HCFC2: variants seen among roughly 807,000 people sequenced by gnomAD.
HCFC2 encodes host cell factor C2, also known as host cell factor 2.
Under a neutral mutation model 89.2 loss-of-function variants are expected in HCFC2, and 18 were observed. That is an observed-to-expected ratio of 0.20 (90% confidence interval 0.14 to 0.30). The LOEUF is 0.30. HCFC2 is among the 10% of genes least tolerant of loss of function. The probability of loss-of-function intolerance (pLI) is 1.00; values close to 1 mark genes in which losing one functional copy is unlikely to be tolerated. For synonymous variants in HCFC2, 308 were observed against 335.7 expected, an observed-to-expected ratio of 0.92 and a Z score of 0.90; for missense variants, 578 against 956.1, an observed-to-expected ratio of 0.60 and a Z score of 5.21.
chr12:104,102,889 A>G, intron 14 of HCFC2, 70 bp from the exon 15 acceptor site: 1 of 1,222,440 alleles, frequency 8.2e-7, no homozygotes, highest in Non-Finnish European at 1.1e-6. Flanking sequence ...CTAAAGATAG[A>G]CTCAACATAA....
Position 104,080,636 on chromosome 12 carries a change from A to C in HCFC2, c.683-110A>C, listed in dbSNP as rs1883656807. The C allele has an allele frequency of 9.9e-6, 6 of 607,802 alleles. No homozygotes were observed. In the East Asian group the frequency reaches 1.9e-4, roughly 19 times the overall value. 37.7% of individuals were successfully genotyped at this position (607,802 alleles called of 1,614,324 possible). On this transcript the variant is annotated intron_variant, in intron 4 of 14. Transcript: ENST00000229330. Reference sequence around the variant, plus strand: ...ATAATGTTCAAATAACTGTTCTAAAATACTTTGTTTCATTTTGGTAAGTCC... The same window carrying C: ...ATAATGTTCAAATAACTGTTCTAAACTACTTTGTTTCATTTTGGTAAGTCC...
At chr12:104,080,953 T>C in intron 5 of HCFC2, 123 bp downstream of exon 5, 1 of 594,626 alleles carries the variant, frequency 1.7e-6, no homozygotes, top group Non-Finnish European at 2.9e-6. Context: ...AGTTTGATTG[T>C]GCTGACTGAA....
intron 1 of HCFC2, among the ~76,000 whole-genome samples, chr12:104,065,760 A>T (rs1566222073): frequency 6.6e-6 from 1 of 152,184 alleles, no homozygotes; most frequent in Non-Finnish European, 1.5e-5. Context: ...CGCTAAAGTT[A>T]CCAAACCTTT....
intron 3 of HCFC2, among the ~76,000 whole-genome samples, chr12:104,070,260 CCT>C (rs141554880): frequency 0.047 from 7,129 of 152,242 alleles, 187 homozygotes; most frequent in South Asian, 0.11. Flanking sequence ...GATCTCCTGA[CCT>C]CGTGATCTGC....
In HCFC2 at chr12:104,064,618, C is replaced by T; in HGVS notation, c.58C>T (p.Pro20Ser). The change falls in exon 1 of 15, where the codon CCC (proline) becomes TCC (serine). Residue 20 changes from proline to serine, a missense_variant. By Grantham distance (74) the Pro-to-Ser change is moderately conservative. Around this residue, in one of 4 missense-constraint regions of HCFC2, gnomAD observed 206 missense variants for 419.2 expected, o/e 0.49. Transcript: ENST00000229330. The surrounding 1 kb of genome is among the most constrained non-coding windows in gnomAD (Gnocchi z 7.3). ...RRVSSFTGPV[P>S]RARHGHRAVA... ...AGTTTCTTCCTTCACGGGGCCGGTC[C>T]CCCGCGCCCGGCACGGACACCGAGC... is the stretch of plus-strand genomic sequence containing the variant. The T allele has an allele frequency of 6.3e-7, 1 of 1,577,974 alleles. No homozygotes were observed. Among genetic ancestry groups the T allele is most frequent in the Non-Finnish European group, 8.6e-7 (1 of 1,164,398 alleles).
chr12:104,090,985 C>T (rs1422425598), intron 9 of HCFC2: 1 of 152,110 alleles, frequency 6.6e-6, no homozygotes, highest in Non-Finnish European at 1.5e-5. Context: ...TTAGTTTCCC[C>T]TAAGAATTCT....
chr12:104,093,856 T>C (rs1884101217), intron 10 of HCFC2, among the ~76,000 whole-genome samples: 1 of 152,052 alleles, frequency 6.6e-6, no homozygotes, highest in Admixed American at 6.6e-5. Context: ...TTAGGGATTC[T>C]TTTAGGACTC....
rs756916843 is a variant in HCFC2 at position 104,096,385 on chromosome 12, A to G, written c.1692A>G (p.Ala564=). The G allele has an allele frequency of 6.2e-7, 1 of 1,606,884 alleles. No individual in the cohort carries two copies. Among genetic ancestry groups the G allele is most frequent in the Non-Finnish European group, 8.5e-7 (1 of 1,175,140 alleles). Residue 564 remains alanine (A), a synonymous_variant, in exon 12 of 15, where the codon GCA becomes GCG. Transcript: ENST00000229330. ...TTGATGAAACATATGCACTGCCTGC[A>G]ACGAAGATCAGCCGTGTAGAGACAC... ...SEVDETYALP[A]TKISRVETHA...
Position 104,093,972 on chromosome 12 carries a change from T to C in HCFC2, c.1462+409T>C, listed in dbSNP as rs187011418. On this transcript the variant is annotated intron_variant, in intron 10 of 14. Transcript: ENST00000229330. ...GAGAATTCATCATTTAAGAGACGTT[T>C]AGAAGGTTTCATCTATTAGACTTGA... Among the ~76,000 whole-genome samples the C allele has an allele frequency of 6.6e-4, 100 of 152,284 alleles. 1 individual carries two copies. Among genetic ancestry groups the C allele is most frequent in the Non-Finnish European group, 1.2e-3 (82 of 68,002 alleles).
intron 13 of HCFC2, among the ~76,000 whole-genome samples, chr12:104,101,249 C>T (rs1355673058): frequency 6.6e-5 from 10 of 152,110 alleles, no homozygotes; most frequent in Admixed American, 4.6e-4. Flanking sequence ...TTTGGGAGGC[C>T]GACGCAGGTG....
chr12:104,067,621 A>G (rs2136591162), intron 2 of HCFC2, among the ~76,000 whole-genome samples: 1 of 152,386 alleles, frequency 6.6e-6, no homozygotes, highest in South Asian at 2.1e-4. Flanking sequence ...GAAAGTAAGA[A>G]TATATAAATT....
At chr12:104,072,892 C>A (rs1328491795) in intron 3 of HCFC2, among the ~76,000 whole-genome samples, 2 of 152,008 alleles carry the variant, frequency 1.3e-5, no homozygotes, top group Non-Finnish European at 2.9e-5. Context: ...GATCCGCCCA[C>A]CTCAGCCTCC....
At position 104,064,602 on chromosome 12, in the gene HCFC2, C is replaced by T. The variant is rs548899947; in HGVS notation, c.42C>T (p.Ser14=). 9.6e-4 allele frequency: 1,509 copies of T among 1,574,610 alleles called. No homozygotes were observed. The highest frequency in any genetic ancestry group is 2.9e-3 in the Admixed American group (160 of 54,548). The stretch of plus-strand genomic sequence containing the variant: ...TCCTCAACTGGAGGCGAGTTTCTTC[C>T]TTCACGGGGCCGGTCCCCCGCGCCC... ...PSLLNWRRVS[S]FTGPVPRARH... is the part of the protein sequence containing the mutation. The change falls in exon 1 of 15, where the codon TCC becomes TCT. Residue 14 remains serine (S), a synonymous_variant. Coordinates refer to ENST00000229330, the MANE Select transcript of HCFC2 (RefSeq NM_013320.3). The surrounding 1 kb of genome is among the most constrained non-coding windows in gnomAD (Gnocchi z 7.3).
chr12:104,088,124 A>G, intron 9 of HCFC2, 86 bp downstream of exon 9: 2 of 824,804 alleles, frequency 2.4e-6, no homozygotes, highest in Admixed American at 2.5e-5. Context: ...CTACTACTCT[A>G]GAAGAGGGGT....
chr12:104,106,183 T>C lies in HCFC2; in HGVS notation c.*2910T>C, dbSNP rs2030080916. 2 of 152,098 alleles carry C rather than the reference T, an allele frequency of 1.3e-5. No individual in the cohort carries two copies. The highest frequency in any genetic ancestry group is 1.3e-4 in the Admixed American group (2 of 15,270). The allele number at this position is 152,098 out of a possible 1,614,324, so 9.4% of individuals were successfully genotyped here. A position where few individuals can be genotyped will look rare whatever the true frequency, so the allele number is the denominator to read the frequency against. ...CCAATTACATAAATACAATTATCTA[T>C]AGGAAGGTGAAATTGTTGATCTATT... is the stretch of plus-strand genomic sequence containing the variant. On this transcript the variant is annotated 3_prime_UTR_variant, in exon 15 of 15. Transcript: ENST00000229330.
intron 3 of HCFC2, among the ~76,000 whole-genome samples, chr12:104,072,674 G>A (rs1236523114): frequency 2.0e-5 from 3 of 150,232 alleles, no homozygotes; most frequent in Non-Finnish European, 4.4e-5. Flanking sequence ...ATGGAGTCTC[G>A]CTCTGTCGCC....
At position 104,106,175 on chromosome 12, in the gene HCFC2, A is replaced by G. The variant is rs1421610150; in HGVS notation, c.*2902A>G. On this transcript the variant is annotated 3_prime_UTR_variant, in exon 15 of 15. Coordinates refer to ENST00000229330, the MANE Select transcript of HCFC2 (RefSeq NM_013320.3). ...CTCATTACCCAATTACATAAATACA[A>G]TTATCTATAGGAAGGTGAAATTGTT... The G allele has an allele frequency of 3.9e-5, 6 of 152,120 alleles. No homozygotes were observed. Among genetic ancestry groups the G allele is most frequent in the South Asian group, 2.1e-4 (1 of 4,834 alleles). 9.4% of individuals were successfully genotyped at this position (152,120 alleles called of 1,614,324 possible).
Position 104,064,611 on chromosome 12 carries a change from G to A in HCFC2, c.51G>A (p.Gly17=). The A allele has an allele frequency of 5.1e-6, 8 of 1,577,124 alleles. No homozygotes were observed. Among genetic ancestry groups the A allele is most frequent in the Non-Finnish European group, 6.9e-6 (8 of 1,164,018 alleles). The change falls in exon 1 of 15, where the codon GGG becomes GGA. Residue 17 remains glycine, a synonymous_variant. Coordinates refer to ENST00000229330, the MANE Select transcript of HCFC2 (RefSeq NM_013320.3). The surrounding 1 kb of genome is among the most constrained non-coding windows in gnomAD (Gnocchi z 7.3). ...LNWRRVSSFT[G]PVPRARHGHR... Reference sequence around the variant, plus strand: ...GGAGGCGAGTTTCTTCCTTCACGGGGCCGGTCCCCCGCGCCCGGCACGGAC... The same window carrying A: ...GGAGGCGAGTTTCTTCCTTCACGGGACCGGTCCCCCGCGCCCGGCACGGAC...
chr12:104,083,103 C>A (rs1883734089), intron 7 of HCFC2, among the ~76,000 whole-genome samples: 2 of 152,014 alleles, frequency 1.3e-5, no homozygotes, highest in Non-Finnish European at 2.9e-5. Flanking sequence ...TTTAAAGACT[C>A]CTTTGCAAAG....
Sources: gnomAD v4.1 joint callset for allele counts (sites outside exome capture counted in the v4.1 genomes callset) on GRCh38, gnomAD v4.1.1 for gene constraint, gnomAD v4.1.1 regional missense constraint, Gnocchi (gnomAD v3.1) non-coding constraint, MANE v1.5 for transcripts, NCBI Gene and HGNC (gene_info 2026-07-23, HGNC 2026-07-21) for gene names.